ST7: variants seen among roughly 807,000 people sequenced by gnomAD.
The protein encoded by ST7 is suppression of tumorigenicity 7.
Under a neutral mutation model 78.7 loss-of-function variants are expected in ST7, and 28 were observed. The observed-to-expected ratio is 0.36, with a 90% CI of 0.26 to 0.49. The LOEUF (loss-of-function observed/expected upper bound fraction) is 0.49, where lower values mean the gene tolerates loss of function less well. ST7 is among the 20% of genes least tolerant of loss of function. The probability of loss-of-function intolerance (pLI) is 0.99; values close to 1 mark genes in which losing one functional copy is unlikely to be tolerated. For synonymous variants in ST7, 247 were observed against 249.6 expected, an observed-to-expected ratio of 0.99 and a Z score of 0.10; for missense variants, 418 against 696.0, an observed-to-expected ratio of 0.60 and a Z score of 4.49.
intron 9 of ST7, among the ~76,000 whole-genome samples, chr7:117,144,970 G>A (rs1383991056): frequency 1.3e-5 from 2 of 152,030 alleles, no homozygotes; most frequent in African/African-American, 4.8e-5. Flanking sequence ...AGGCCGAGGC[G>A]GGGCAGATTG....
intron 1 of ST7, among the ~76,000 whole-genome samples, chr7:116,976,646 C>T (rs1793719896): frequency 6.6e-6 from 1 of 152,188 alleles, no homozygotes; most frequent in African/African-American, 2.4e-5. Context: ...AGCCCAACAT[C>T]CGTGAGGTAG....
intron 1 of ST7, among the ~76,000 whole-genome samples, chr7:117,035,317 A>G (rs944223552): frequency 2.0e-5 from 3 of 152,156 alleles, no homozygotes; most frequent in Non-Finnish European, 2.9e-5. Context: ...TCAGGCTGGA[A>G]CAATAATTCA....
chr7:117,204,691 T>C (rs1051690867), intron 12 of ST7, among the ~76,000 whole-genome samples: 4 of 152,240 alleles, frequency 2.6e-5, no homozygotes, highest in Admixed American at 6.5e-5. Flanking sequence ...GAACTCCTTA[T>C]TGATGTTTTA....
intron 2 of ST7, among the ~76,000 whole-genome samples, chr7:117,116,826 C>A (rs949737809): frequency 2.6e-5 from 4 of 152,170 alleles, no homozygotes; most frequent in African/African-American, 9.7e-5. Context: ...GGTAGAAGGT[C>A]TATCACCTAT....
intron 8 of ST7, chr7:117,137,022 C>T (rs1804845768): frequency 6.6e-6 from 1 of 152,086 alleles, no homozygotes; most frequent in South Asian, 2.1e-4. Flanking sequence ...TTTCCATGGT[C>T]CAACCAAAAT....
chr7:117,119,153 T>C (rs1803157460), intron 2 of ST7, among the ~76,000 whole-genome samples: 2 of 152,114 alleles, frequency 1.3e-5, no homozygotes, highest in African/African-American at 4.8e-5. Context: ...AGAGGTATGG[T>C]TTTTATCAGA....
chr7:117,071,795 A>C (rs974949075), intron 1 of ST7, among the ~76,000 whole-genome samples: 63 of 152,368 alleles, frequency 4.1e-4, no homozygotes, highest in African/African-American at 1.4e-3. Context: ...GCATGTTTAC[A>C]CAGAGAAGCA....
At chr7:117,009,764 A>G (rs1759956112) in intron 1 of ST7, among the ~76,000 whole-genome samples, 1 of 152,134 alleles carries the variant, frequency 6.6e-6, no homozygotes, top group African/African-American at 2.4e-5. Flanking sequence ...TTAAAACATC[A>G]GTGATAGGGA....
At chr7:117,012,389 C>T (rs1795424387) in intron 1 of ST7, among the ~76,000 whole-genome samples, 1 of 151,472 alleles carries the variant, frequency 6.6e-6, no homozygotes, top group Non-Finnish European at 1.5e-5. Context: ...CCAGTTGAAT[C>T]CTGGCTCTGA....
At position 116,953,508 on chromosome 7, in the gene ST7, A is replaced by T. The variant is rs778870159; in HGVS notation, c.-33A>T. On this transcript the variant is annotated 5_prime_UTR_variant, in exon 1 of 16. Coordinates refer to ENST00000323984, the MANE Select transcript of ST7 (RefSeq NM_001369598.1). ...CCGGTGAATCATCCCGGCAGACACC[A>T]AGAGCCGCGGCAGCAGAGAGGAGCG... 1 of 1,291,512 alleles carries T rather than the reference A, an allele frequency of 7.7e-7. No homozygotes were observed. Among genetic ancestry groups the T allele is most frequent in the Non-Finnish European group, 1.0e-6 (1 of 992,386 alleles). 80.0% of individuals were successfully genotyped at this position (1,291,512 alleles called of 1,614,324 possible).
At position 117,189,319 on chromosome 7, in the gene ST7, A is replaced by C; in HGVS notation, c.1079-2A>C. ...TGTTCCTACTTTCTTTTTCTCCAACAGATATAAGCTTACCAAAGTCAGCAA... is the reference window on the plus strand; with the variant it reads ...TGTTCCTACTTTCTTTTTCTCCAACCGATATAAGCTTACCAAAGTCAGCAA... On this transcript the variant is annotated splice_acceptor_variant, in intron 10 of 15. Coordinates refer to ENST00000323984, the MANE Select transcript of ST7 (RefSeq NM_001369598.1). LOFTEE classifies it high-confidence loss of function. 6.3e-7 allele frequency: 1 copy of C among 1,598,076 alleles called. No homozygotes were observed. The highest frequency in any genetic ancestry group is 8.5e-7 in the Non-Finnish European group (1 of 1,170,358).
At chr7:117,052,904 A>AAAC (rs1797861338) in intron 1 of ST7, among the ~76,000 whole-genome samples, 1 of 152,170 alleles carries the variant, frequency 6.6e-6, no homozygotes, top group African/African-American at 2.4e-5. Context: ...AAAAAACAAA[A>AAAC]AAACAAACAA....
At chr7:117,167,941 G>T (rs557535854) in intron 9 of ST7, among the ~76,000 whole-genome samples, 2 of 152,138 alleles carry the variant, frequency 1.3e-5, no homozygotes, top group Non-Finnish European at 2.9e-5. Context: ...CCAGGTTGTA[G>T]CGAAGCAGTG....
chr7:117,037,781 A>G (rs1315346553), intron 1 of ST7, among the ~76,000 whole-genome samples: 1 of 152,198 alleles, frequency 6.6e-6, no homozygotes, highest in African/African-American at 2.4e-5. Flanking sequence ...ATCTGACATT[A>G]TGGTTTAGCT....
At chr7:117,146,775 G>A (rs1308188059) in intron 9 of ST7, among the ~76,000 whole-genome samples, 2 of 152,244 alleles carry the variant, frequency 1.3e-5, no homozygotes, top group African/African-American at 4.8e-5. Context: ...CAGCTAAGAT[G>A]TGGAAGTCTG....
chr7:117,195,342 A>T (rs1242947337), intron 12 of ST7, among the ~76,000 whole-genome samples: 1 of 152,104 alleles, frequency 6.6e-6, no homozygotes, highest in African/African-American at 2.4e-5. Context: ...CTATAACTGG[A>T]TACTTCTGTT....
At chr7:117,037,199 A>C (rs1323473720) in intron 1 of ST7, among the ~76,000 whole-genome samples, 1 of 152,140 alleles carries the variant, frequency 6.6e-6, no homozygotes, top group Non-Finnish European at 1.5e-5. Flanking sequence ...ATTTGGGAGG[A>C]AGGTCCTGTG....
intron 1 of ST7, among the ~76,000 whole-genome samples, chr7:116,982,149 G>A (rs1208424150): frequency 1.3e-5 from 2 of 152,222 alleles, no homozygotes; most frequent in Admixed American, 1.3e-4. Flanking sequence ...ATGTTGTTAT[G>A]TGGTGCATGA....
intron 1 of ST7, among the ~76,000 whole-genome samples, chr7:117,035,442 G>C (rs1337184514): frequency 6.6e-6 from 1 of 151,916 alleles, no homozygotes; most frequent in African/African-American, 2.4e-5. Flanking sequence ...TTTTTTGAGG[G>C]GTGGCAGACT....
Sources: gnomAD v4.1 joint callset for allele counts (sites outside exome capture counted in the v4.1 genomes callset) on GRCh38, gnomAD v4.1.1 for gene constraint, MANE v1.5 for transcripts, NCBI Gene and HGNC (gene_info 2026-07-23, HGNC 2026-07-21) for gene names.